TXNDC16: variants seen among roughly 807,000 people sequenced by gnomAD.
The protein encoded by TXNDC16 is thioredoxin domain containing 16, also known as thioredoxin domain-containing protein 16.
A neutral mutation model predicts 85.6 loss-of-function variants in TXNDC16; 74 were observed. The observed-to-expected ratio is 0.86, with a 90% CI of 0.72 to 1.05. The LOEUF is 1.05. Among genes scored for constraint, TXNDC16 ranks in the 50% least tolerant of loss-of-function variants. The probability of loss-of-function intolerance (pLI) is 0.00; values close to 1 mark genes in which losing one functional copy is unlikely to be tolerated. For synonymous variants in TXNDC16, 335 were observed against 326.5 expected (o/e 1.03, Z -0.28); for missense variants, 959 against 947.0 (o/e 1.01, Z -0.17).
rs535448823 is a variant in TXNDC16, at chr14:52,511,320, A to G, written c.676T>C (p.Cys226Arg). The change falls in exon 9 of 21, where the codon TGT (cysteine) becomes CGT (arginine). Residue 226 changes from cysteine (C) to arginine (R), a missense_variant. By Grantham distance (180) the Cys-to-Arg change is radical. Transcript: ENST00000281741. ...CKLVLDLTQQ[C>R]RRTLMEQPLT... The stretch of plus-strand genomic sequence containing the variant: ...GGCTGTTCCATTAGTGTTCTTCTAC[A>G]TTGCTGGGTCAAGTCCAAGACTAGT... 6.2e-7 allele frequency: 1 copy of G among 1,609,008 alleles called. No homozygotes were observed. The highest frequency in any genetic ancestry group is 1.7e-5 in the Admixed American group (1 of 59,894).
At chr14:52,465,591 C>CA (rs11411206) in intron 16 of TXNDC16, among the ~76,000 whole-genome samples, 17,035 of 88,646 alleles carry the variant, frequency 0.19, 1,309 homozygotes, top group Admixed American at 0.24. Flanking sequence ...GACTCCATCT[C>CA]AAAAAAAAAA....
chr14:52,473,299 C>T (rs964672064), intron 14 of TXNDC16, among the ~76,000 whole-genome samples: 8 of 152,136 alleles, frequency 5.3e-5, no homozygotes, highest in Non-Finnish European at 1.2e-4. Context: ...GTATATACCC[C>T]AGACAACGCT....
intron 12 of TXNDC16, among the ~76,000 whole-genome samples, chr14:52,484,678 G>A (rs141457604): frequency 0.012 from 1,866 of 152,086 alleles, 32 homozygotes; most frequent in African/African-American, 0.043. Context: ...TCAGGAGTTC[G>A]AGGCCAGCCT....
chr14:52,517,605 A>G (rs549483990), intron 7 of TXNDC16, among the ~76,000 whole-genome samples: 2 of 152,194 alleles, frequency 1.3e-5, no homozygotes, highest in African/African-American at 4.8e-5. Flanking sequence ...TCTGGTTACC[A>G]GAGATGAACC....
intron 19 of TXNDC16, 68 bp from the exon 20 acceptor site, chr14:52,439,462 G>A (rs988843137): frequency 7.3e-6 from 10 of 1,378,290 alleles, no homozygotes; most frequent in Admixed American, 4.8e-5. Flanking sequence ...ATAGTAATTC[G>A]TAGAACATTA....
At chr14:52,549,479 A>G (rs936964579) in intron 1 of TXNDC16, among the ~76,000 whole-genome samples, 3 of 152,214 alleles carry the variant, frequency 2.0e-5, no homozygotes, top group Non-Finnish European at 2.9e-5. Flanking sequence ...GTACTTCAAG[A>G]GAAAACGCTA....
At chr14:52,444,356 G>C (rs753038896) in intron 18 of TXNDC16, among the ~76,000 whole-genome samples, 7 of 152,110 alleles carry the variant, frequency 4.6e-5, no homozygotes, top group Admixed American at 2.0e-4. Flanking sequence ...TGCTTATGTA[G>C]TTAATTATTG....
At chr14:52,460,493 T>C (rs987707491) in intron 16 of TXNDC16, among the ~76,000 whole-genome samples, 29 of 152,236 alleles carry the variant, frequency 1.9e-4, no homozygotes, top group African/African-American at 7.0e-4. Context: ...TCATGTAATT[T>C]TCCATAATAA....
intron 4 of TXNDC16, among the ~76,000 whole-genome samples, chr14:52,541,513 G>T (rs1021635260): frequency 6.6e-6 from 1 of 152,068 alleles, no homozygotes; most frequent in African/African-American, 2.4e-5. Flanking sequence ...ATCTCTATAC[G>T]TACAGAATTG....
At chr14:52,468,876 C>T (rs1212867922) in intron 16 of TXNDC16, among the ~76,000 whole-genome samples, 1 of 129,542 alleles carries the variant, frequency 7.7e-6, no homozygotes, top group African/African-American at 2.8e-5. Flanking sequence ...GACCCTGTCT[C>T]AAAAAAAAAA....
At chr14:52,454,966 A>C (rs2035498582) in intron 18 of TXNDC16, among the ~76,000 whole-genome samples, 1 of 152,222 alleles carries the variant, frequency 6.6e-6, no homozygotes, top group Non-Finnish European at 1.5e-5. Flanking sequence ...TTATGCATGC[A>C]GAAACCGAAG....
At chr14:52,471,399 T>G (rs2035903652) in intron 14 of TXNDC16, among the ~76,000 whole-genome samples, 2 of 152,348 alleles carry the variant, frequency 1.3e-5, no homozygotes, top group African/African-American at 4.8e-5. Context: ...GCTAGAGATA[T>G]CTTTTCAAAA....
chr14:52,455,433 G>C lies in TXNDC16; in HGVS notation c.1733C>G (p.Ala578Gly), dbSNP rs139440406. 1 of 1,613,998 alleles carries C rather than the reference G, an allele frequency of 6.2e-7. No homozygotes were observed. Among genetic ancestry groups the C allele is most frequent in the East Asian group, 2.2e-5 (1 of 44,878 alleles). Residue 578 changes from alanine to glycine, a missense_variant, in exon 18 of 21, where the codon GCC becomes GGC. Coordinates refer to ENST00000281741, the MANE Select transcript of TXNDC16 (RefSeq NM_020784.3). ...LSTKYAASLPALLLARHTEGK... is the reference protein window; with the variant it reads ...LSTKYAASLPGLLLARHTEGK... ...TTCTGTGTGTCTGGCAAGCAGCAGG[G>C]CTGGAAGACTTGCAGCATATTTGGT...
rs550561140 is a variant in TXNDC16 at position 52,479,299 on chromosome 14, G to GA, written c.1312+2930dup. ...CACCATTCCTCTTCAACACAGTACTGAAAGTCCTAGCCAGAGCAATCAGAC... is the reference window on the plus strand; with the variant it reads ...CACCATTCCTCTTCAACACAGTACTGAAAAGTCCTAGCCAGAGCAATCAGAC... On this transcript the variant is annotated intron_variant, in intron 14 of 20. Transcript: ENST00000281741. 2.0e-3 allele frequency among the ~76,000 whole-genome samples: 303 copies of GA among 152,218 alleles called. 2 individuals are homozygous for GA. The highest frequency in any genetic ancestry group is 6.6e-3 in the African/African-American group (276 of 41,536).
intron 14 of TXNDC16, 135 bp downstream of exon 14, chr14:52,482,095 A>G: frequency 1.4e-6 from 1 of 714,088 alleles, no homozygotes; most frequent in South Asian, 2.4e-5. Context: ...CTCCTGGTTC[A>G]TTAACTTAAC....
chr14:52,466,507 T>G lies in TXNDC16; in HGVS notation c.1618+3530A>C, dbSNP rs183276188. On this transcript the variant is annotated intron_variant, in intron 16 of 20. Coordinates refer to ENST00000281741, the MANE Select transcript of TXNDC16 (RefSeq NM_020784.3). ...AACTTTATAGGTTCAAATATGTTTT[T>G]GGGGAACATTTTCTCTAGTCCTGGA... Among the ~76,000 whole-genome samples the G allele has an allele frequency of 5.0e-3, 760 of 151,740 alleles. 3 individuals are homozygous for G. The highest frequency in any genetic ancestry group is 8.3e-3 in the Non-Finnish European group (561 of 67,918).
At position 52,440,696 on chromosome 14, in the gene TXNDC16, CT is replaced by C; in HGVS notation, c.1870del (p.Ser624ValfsTer10). The C allele has an allele frequency of 1.2e-6, 2 of 1,606,240 alleles. No individual in the cohort carries two copies. Among genetic ancestry groups the C allele is most frequent in the African/African-American group, 2.7e-5 (2 of 74,556 alleles). On this transcript the variant is annotated frameshift_variant, in exon 19 of 21. Transcript: ENST00000281741. LOFTEE classifies it high-confidence loss of function. ...TAATGGTTTCTGAAGTCTGAAATAA[CT>C]GGGAAGATTTTCCACAGTGATTTCC... ...FPEITVENLP[S>X]YFRLQKPLLI...
intron 18 of TXNDC16, among the ~76,000 whole-genome samples, chr14:52,447,965 C>T (rs1201133786): frequency 1.3e-5 from 2 of 150,428 alleles, no homozygotes; most frequent in East Asian, 3.9e-4. Flanking sequence ...AATTACTGAG[C>T]TTGAAGACAG....
intron 6 of TXNDC16, among the ~76,000 whole-genome samples, chr14:52,530,220 TATATA>T (rs1566581715): frequency 5.1e-4 from 37 of 72,644 alleles, no homozygotes; most frequent in African/African-American, 1.5e-3. Context: ...TACAGAATAA[TATATA>T]ATATTACATA....
Sources: allele counts gnomAD v4.1 joint callset (sites outside exome capture counted in the v4.1 genomes callset), GRCh38; gene constraint gnomAD v4.1.1; transcripts MANE v1.5; gene names NCBI Gene and HGNC (gene_info 2026-07-23, HGNC 2026-07-21).